The following ADAMTS16 variants were observed in gnomAD, a reference collection of about 807,000 sequenced individuals.
ADAMTS16 encodes A disintegrin and metalloproteinase with thrombospondin motifs 16.
A neutral mutation model predicts 145.8 loss-of-function variants in ADAMTS16; 94 were observed. The ratio of observed to expected loss-of-function variants is 0.64; its 90% CI spans 0.55 to 0.77. The LOEUF is 0.77. ADAMTS16 is among the 30% of genes least tolerant of loss of function. The probability of loss-of-function intolerance (pLI) is 0.00; values close to 1 mark genes in which losing one functional copy is unlikely to be tolerated. For synonymous variants in ADAMTS16, 659 were observed against 604.3 expected (o/e 1.09, Z -1.33); for missense variants, 1,585 against 1,591.5 (o/e 1.00, Z 0.07).
intron 18 of ADAMTS16, among the ~76,000 whole-genome samples, chr5:5,302,769 G>A (rs972924484): frequency 1.2e-4 from 19 of 152,122 alleles, no homozygotes; most frequent in Admixed American, 3.3e-4. Context: ...AATCATTAAT[G>A]CTCTAGATGT....
intron 21 of ADAMTS16, among the ~76,000 whole-genome samples, chr5:5,311,240 G>T (rs1740415244): frequency 6.9e-6 from 1 of 144,904 alleles, no homozygotes; most frequent in Admixed American, 7.2e-5. Flanking sequence ...ATCAGCATCT[G>T]CCAAGTTCAA....
intron 7 of ADAMTS16, among the ~76,000 whole-genome samples, chr5:5,190,737 C>G (rs921966120): frequency 1.3e-5 from 2 of 152,072 alleles, no homozygotes; most frequent in African/African-American, 2.4e-5. Context: ...TCAGATAAAG[C>G]CCAATTTAAT....
intron 3 of ADAMTS16, among the ~76,000 whole-genome samples, chr5:5,174,223 A>T (rs1287597513): frequency 6.6e-6 from 1 of 152,128 alleles, no homozygotes; most frequent in Non-Finnish European, 1.5e-5. Flanking sequence ...TGCATATATT[A>T]TTCTAGGATT....
chr5:5,287,667 T>C (rs551700303), intron 18 of ADAMTS16, among the ~76,000 whole-genome samples: 2 of 152,342 alleles, frequency 1.3e-5, no homozygotes, highest in East Asian at 1.9e-4. Flanking sequence ...GATATTGATG[T>C]TGATTTCACG....
intron 18 of ADAMTS16, among the ~76,000 whole-genome samples, chr5:5,295,211 T>G (rs761569364): frequency 5.9e-5 from 9 of 152,210 alleles, no homozygotes; most frequent in African/African-American, 9.6e-5. Context: ...GGATGAAACT[T>G]GTCCCATTTA....
At chr5:5,294,635 A>G (rs1739457126) in intron 18 of ADAMTS16, among the ~76,000 whole-genome samples, 1 of 152,242 alleles carries the variant, frequency 6.6e-6, no homozygotes, top group Non-Finnish European at 1.5e-5. Context: ...ATATTTGTCT[A>G]CTGCAGTCTA....
At chr5:5,213,524 T>G (rs1241456782) in intron 10 of ADAMTS16, among the ~76,000 whole-genome samples, 1 of 152,200 alleles carries the variant, frequency 6.6e-6, no homozygotes, top group African/African-American at 2.4e-5. Flanking sequence ...AGTATATTAT[T>G]TTATGTTATA....
chr5:5,270,868 C>G (rs1273636762), intron 18 of ADAMTS16, among the ~76,000 whole-genome samples: 1 of 152,208 alleles, frequency 6.6e-6, no homozygotes, highest in Non-Finnish European at 1.5e-5. Context: ...TCCCTGGCCT[C>G]TAGGCTGCAG....
chr5:5,191,865 C>T (rs556340770), intron 8 of ADAMTS16, 75 bp downstream of exon 8: 19 of 1,113,152 alleles, frequency 1.7e-5, no homozygotes, highest in Middle Eastern at 4.0e-4. Context: ...AATATTGACT[C>T]ATCAAGTCAA....
rs1475943402 is a variant in ADAMTS16, at chr5:5,310,430, CAG to C, written c.3411+3704_3411+3705del. ...CAAAACTCATGTCCACCCGGGACCT[CAG>C]AATATAATCTTATTGGAAATAGATG... is the stretch of plus-strand genomic sequence containing the variant. On this transcript the variant is annotated intron_variant, in intron 21 of 22. Transcript: ENST00000274181. This position sits in a 1 kb window ranked among gnomAD's most constrained non-coding sequence, Gnocchi z 4.3. Among the ~76,000 whole-genome samples, 1 of 152,158 alleles carries C rather than the reference CAG, an allele frequency of 6.6e-6. No homozygotes were observed. Among genetic ancestry groups the C allele is most frequent in the African/African-American group, 2.4e-5 (1 of 41,436 alleles).
intron 21 of ADAMTS16, among the ~76,000 whole-genome samples, chr5:5,309,298 A>G (rs1208954610): frequency 6.6e-6 from 1 of 152,210 alleles, no homozygotes; most frequent in Non-Finnish European, 1.5e-5. Flanking sequence ...GCGTCAATGT[A>G]GTAAGTGGTG....
At chr5:5,191,378 T>A (rs1340215491) in intron 7 of ADAMTS16, among the ~76,000 whole-genome samples, 5 of 152,118 alleles carry the variant, frequency 3.3e-5, no homozygotes, top group Non-Finnish European at 7.4e-5. Flanking sequence ...TGCAATAGAT[T>A]CCACGCTTTA....
At chr5:5,264,736 A>G (rs748308752) in intron 18 of ADAMTS16, among the ~76,000 whole-genome samples, 1 of 152,032 alleles carries the variant, frequency 6.6e-6, no homozygotes, top group Non-Finnish European at 1.5e-5. Context: ...GCCCTGCCTC[A>G]GCCACAGTTC....
chr5:5,315,751 G>A (rs1734034453), intron 21 of ADAMTS16, among the ~76,000 whole-genome samples: 1 of 152,220 alleles, frequency 6.6e-6, no homozygotes, highest in South Asian at 2.1e-4. Context: ...GATGTAATAA[G>A]TGATGGGCAA....
chr5:5,209,000 TA>T, intron 9 of ADAMTS16, 92 bp from the exon 10 acceptor site: 2 of 1,417,508 alleles, frequency 1.4e-6, no homozygotes, highest in Non-Finnish European at 1.9e-6. Context: ...ATATATGTTG[TA>T]AAATTACATG....
intron 6 of ADAMTS16, 108 bp from the exon 7 acceptor site, chr5:5,189,863 G>A: frequency 7.3e-7 from 1 of 1,373,184 alleles, no homozygotes; most frequent in East Asian, 2.3e-5. Context: ...TCCAGATCCA[G>A]CCATGTATTT....
intron 8 of ADAMTS16, among the ~76,000 whole-genome samples, chr5:5,197,505 C>T (rs754687524): frequency 3.3e-5 from 5 of 152,064 alleles, no homozygotes; most frequent in Non-Finnish European, 5.9e-5. Context: ...GGATAAGAGG[C>T]GTCTCTGTCT....
At chr5:5,307,027 A>G (rs748859220) in intron 21 of ADAMTS16, among the ~76,000 whole-genome samples, 3 of 152,176 alleles carry the variant, frequency 2.0e-5, no homozygotes, top group Non-Finnish European at 2.9e-5. Context: ...TGAATTCCCC[A>G]GAGATGAGTG....
At chr5:5,218,371 C>T (rs1351237292) in intron 10 of ADAMTS16, among the ~76,000 whole-genome samples, 1 of 152,192 alleles carries the variant, frequency 6.6e-6, no homozygotes, top group Non-Finnish European at 1.5e-5. Context: ...CCTTCTGTCA[C>T]CCCTCTGCTC....
Sources: allele counts gnomAD v4.1 joint callset (sites outside exome capture counted in the v4.1 genomes callset), GRCh38; gene constraint gnomAD v4.1.1; non-coding constraint Gnocchi (gnomAD v3.1); transcripts MANE v1.5; gene names NCBI Gene and HGNC (gene_info 2026-07-23, HGNC 2026-07-21).